ZNF462: variants seen among roughly 807,000 people sequenced by gnomAD.
ZNF462 encodes the protein zinc finger protein 462.
A neutral mutation model predicts 201.9 loss-of-function variants in ZNF462; 10 were observed. The observed-to-expected ratio is 0.05, with a 90% confidence interval of 0.03 to 0.08. The LOEUF (loss-of-function observed/expected upper bound fraction) is 0.08, where lower values mean the gene tolerates loss of function less well. Among genes scored for constraint, ZNF462 ranks in the 10% least tolerant of loss-of-function variants. The pLI is 1.00. For synonymous variants in ZNF462, 1,227 were observed against 1,193.3 expected (o/e 1.03, Z -0.58); for missense variants, 2,523 against 3,168.3 (o/e 0.80, Z 4.89).
At chr9:106,971,329 A>T (rs1826595320) in intron 7 of ZNF462, among the ~76,000 whole-genome samples, 1 of 151,656 alleles carries the variant, frequency 6.6e-6, no homozygotes, top group African/African-American at 2.4e-5. Flanking sequence ...AGGGAAGGGT[A>T]TTCTGTGGCA....
At chr9:106,961,981 C>T (rs992246641) in intron 7 of ZNF462, among the ~76,000 whole-genome samples, 5 of 151,922 alleles carry the variant, frequency 3.3e-5, no homozygotes, top group African/African-American at 9.7e-5. Context: ...TTAAGCACAG[C>T]ATGGAAACAG....
At position 106,963,155 on chromosome 9, in the gene ZNF462, C is replaced by T. The variant is rs964683519; in HGVS notation, c.6428-8850C>T. ...TGGTGATTTGTGGTTTTTATTGTTT[C>T]TCTGGATACCAAATTCTGCTCAGTG... On this transcript the variant is annotated intron_variant, in intron 7 of 12. Coordinates refer to ENST00000277225, the MANE Select transcript of ZNF462 (RefSeq NM_021224.6). The surrounding 1 kb of genome is among the most constrained non-coding windows in gnomAD (Gnocchi z 4.7). Among the ~76,000 whole-genome samples, 3 of 151,970 alleles carry T rather than the reference C, an allele frequency of 2.0e-5. No individual in the cohort carries two copies. The highest frequency in any genetic ancestry group is 4.4e-5 in the Non-Finnish European group (3 of 67,966).
intron 1 of ZNF462, among the ~76,000 whole-genome samples, chr9:106,904,815 C>T (rs559327750): frequency 1.3e-5 from 2 of 152,246 alleles, no homozygotes; most frequent in African/African-American, 4.8e-5. Flanking sequence ...TCTCTCCCTT[C>T]TCTTCTTGTA....
Position 106,927,628 on chromosome 9 carries a change from G to T in ZNF462, c.3716G>T (p.Arg1239Leu), listed in dbSNP as rs754428110. 1.2e-6 allele frequency: 2 copies of T among 1,613,840 alleles called. No individual in the cohort carries two copies. The highest frequency in any genetic ancestry group is 1.3e-5 in the African/African-American group (1 of 74,846). The change falls in exon 3 of 13, where the codon CGA becomes CTA. Residue 1239 changes from arginine to leucine, a missense_variant. Around this residue, in one of 15 missense-constraint regions of ZNF462, gnomAD observed 222 missense variants for 271.6 expected, o/e 0.82. Transcript: ENST00000277225. The part of the protein sequence containing the change: ...HTATIRSLCD[R>L]NQKKPASCVL... The stretch of plus-strand genomic sequence containing the variant: ...GCCACCATTCGAAGCCTCTGCGACC[G>T]AAATCAGAAGAAGCCTGCCAGCTGC...
chr9:106,861,660 G>A (rs963738303), upstream of ZNF462, among the ~76,000 whole-genome samples: 1 of 152,190 alleles, frequency 6.6e-6, no homozygotes, highest in Non-Finnish European at 1.5e-5. Context: ...TTGCTGCATT[G>A]ATTTTTTTGA....
At position 106,964,383 on chromosome 9, in the gene ZNF462, C is replaced by A. The variant is rs141224296; in HGVS notation, c.6428-7622C>A. 6.3e-3 allele frequency among the ~76,000 whole-genome samples: 957 copies of A among 152,066 alleles called. 10 individuals carry two copies. The highest frequency in any genetic ancestry group is 0.021 in the African/African-American group (859 of 41,488). ...TAACTAGGGAATCCTTTTCAAAATG[C>A]CTTAAGCATTTTAATTTCATTTAAA... On this transcript the variant is annotated intron_variant, in intron 7 of 12. Coordinates refer to ENST00000277225, the MANE Select transcript of ZNF462 (RefSeq NM_021224.6).
chr9:106,915,685 CAAG>C (rs1197197533), intron 1 of ZNF462, among the ~76,000 whole-genome samples: 1 of 152,102 alleles, frequency 6.6e-6, no homozygotes, highest in African/African-American at 2.4e-5. Context: ...AGGCAGAAGT[CAAG>C]AAGAGGAAAA....
rs748869233 is a variant in ZNF462, at chr9:106,922,250, C to A, written c.-30-1104C>A. Among the ~76,000 whole-genome samples the A allele has an allele frequency of 1.9e-4, 29 of 152,278 alleles. 1 individual carries two copies. Among genetic ancestry groups the A allele is most frequent in the South Asian group, 6.2e-4 (3 of 4,824 alleles). On this transcript the variant is annotated intron_variant, in intron 1 of 12. Coordinates refer to ENST00000277225, the MANE Select transcript of ZNF462 (RefSeq NM_021224.6). The stretch of plus-strand genomic sequence containing the variant: ...GTGATGATCTTACTGAAGTAACTTA[C>A]TCATTAGATAATAACAGGGTATCTC...
chr9:106,999,700 AATTC>A, intron 10 of ZNF462, among the ~76,000 whole-genome samples: 1 of 152,334 alleles, frequency 6.6e-6, no homozygotes, highest in Non-Finnish European at 1.5e-5. Flanking sequence ...GAAATACATT[AATTC>A]ATTAACAGTT....
Position 106,925,232 on chromosome 9 carries a change from G to T in ZNF462, c.1320G>T (p.Gln440His). The T allele has an allele frequency of 6.2e-7, 1 of 1,614,180 alleles. No homozygotes were observed. Among genetic ancestry groups the T allele is most frequent in the Non-Finnish European group, 8.5e-7 (1 of 1,180,044 alleles). ...IPFRRFMNRFQCPFCPFLTMH... is the reference protein window; with the variant it reads ...IPFRRFMNRFHCPFCPFLTMH... ...TTAGAAGATTCATGAATAGGTTCCAGTGCCCCTTTTGTCCTTTCCTCACCA... is the reference window on the plus strand; with the variant it reads ...TTAGAAGATTCATGAATAGGTTCCATTGCCCCTTTTGTCCTTTCCTCACCA... Residue 440 changes from glutamine (Q) to histidine (H), a missense_variant, in exon 3 of 13, where the codon CAG (glutamine) becomes CAT (histidine). By Grantham distance (24) the Gln-to-His change is conservative. Around this residue, in one of 15 missense-constraint regions of ZNF462, gnomAD observed 13 missense variants for 43.2 expected, o/e 0.30. Transcript: ENST00000277225. This position sits in a 1 kb window ranked among gnomAD's most constrained non-coding sequence, Gnocchi z 7.9.
At chr9:106,868,074 G>A (rs200784111) in intron 1 of ZNF462, among the ~76,000 whole-genome samples, 10 of 145,502 alleles carry the variant, frequency 6.9e-5, no homozygotes, top group African/African-American at 5.1e-5. Flanking sequence ...CCAGTGAACT[G>A]AAAAAAAAAA....
intron 6 of ZNF462, among the ~76,000 whole-genome samples, chr9:106,937,314 G>A (rs1422591507): frequency 6.6e-6 from 1 of 152,006 alleles, no homozygotes; most frequent in Non-Finnish European, 1.5e-5. Context: ...TACAGAACTT[G>A]GATGCTATAC....
In ZNF462 at chr9:106,930,433, T is replaced by C. The variant is rs1180104115; in HGVS notation, c.5848-92T>C. 1 of 1,517,150 alleles carries C rather than the reference T, an allele frequency of 6.6e-7. No homozygotes were observed. The highest frequency in any genetic ancestry group is 1.4e-5 in the African/African-American group (1 of 72,106). 94.0% of individuals were successfully genotyped at this position (1,517,150 alleles called of 1,614,324 possible). The stretch of plus-strand genomic sequence containing the variant: ...TTGGTTTTTAACCTGCTAATCGGCT[T>C]TAAAATAAAGTATGTTAGTAAACTG... On this transcript the variant is annotated intron_variant, in intron 3 of 12. Transcript: ENST00000277225. This position sits in a 1 kb window ranked among gnomAD's most constrained non-coding sequence, Gnocchi z 5.8.
rs191241523 is a variant in ZNF462 at position 106,883,771 on chromosome 9, C to G, written c.-31+20416C>G. Among the ~76,000 whole-genome samples the G allele has an allele frequency of 6.6e-6, 1 of 152,150 alleles. No individual in the cohort carries two copies. The highest frequency in any genetic ancestry group is 6.5e-5 in the Admixed American group (1 of 15,274). On this transcript the variant is annotated intron_variant, in intron 1 of 12. Transcript: ENST00000277225. The surrounding 1 kb of genome is among the most constrained non-coding windows in gnomAD (Gnocchi z 4.9). ...GCTTATTTATCCTTCTACCTGGAAT[C>G]AGCAGCCCTGGCTTGTTCATTTAGA... is the stretch of plus-strand genomic sequence containing the variant.
Position 106,928,205 on chromosome 9 carries a change from C to T in ZNF462, c.4293C>T (p.Asn1431=). 1.9e-6 allele frequency: 3 copies of T among 1,614,070 alleles called. No homozygotes were observed. The change falls in exon 3 of 13, where the codon AAC becomes AAT. Residue 1431 remains asparagine, a synonymous_variant. Coordinates refer to ENST00000277225, the MANE Select transcript of ZNF462 (RefSeq NM_021224.6). This position sits in a 1 kb window ranked among gnomAD's most constrained non-coding sequence, Gnocchi z 9.3. ...TGGCAGGCCCTGTGAATTGTGAAAA[C>T]AGTATACCCACCCCTTTCCCGGAGC... The part of the protein sequence containing the change: ...EELAGPVNCE[N]SIPTPFPEQE...
rs1489488350 is a variant in ZNF462, at chr9:106,870,029, T to G, written c.-31+6674T>G. On this transcript the variant is annotated intron_variant, in intron 1 of 12. Coordinates refer to ENST00000277225, the MANE Select transcript of ZNF462 (RefSeq NM_021224.6). The surrounding 1 kb of genome is among the most constrained non-coding windows in gnomAD (Gnocchi z 4.3). Reference sequence around the variant, plus strand: ...GTGCTTGGAAATGCTATCATAAAATTTATCTTTTTTCTAAGTCCTCCTATT... The same window carrying G: ...GTGCTTGGAAATGCTATCATAAAATGTATCTTTTTTCTAAGTCCTCCTATT... Among the ~76,000 whole-genome samples, 1 of 152,180 alleles carries G rather than the reference T, an allele frequency of 6.6e-6. No homozygotes were observed. Among genetic ancestry groups the G allele is most frequent in the Non-Finnish European group, 1.5e-5 (1 of 68,022 alleles).
rs1468592886 is a variant in ZNF462, at chr9:106,876,501, C to A, written c.-31+13146C>A. Among the ~76,000 whole-genome samples the A allele has an allele frequency of 6.6e-6, 1 of 152,182 alleles. No individual in the cohort carries two copies. Among genetic ancestry groups the A allele is most frequent in the Non-Finnish European group, 1.5e-5 (1 of 68,026 alleles). Reference sequence around the variant, plus strand: ...CTTTACTGATGAGTAGTCTTTGCTGCAGTTGTCCATTCCCAGCTAGACTTT... The same window carrying A: ...CTTTACTGATGAGTAGTCTTTGCTGAAGTTGTCCATTCCCAGCTAGACTTT... On this transcript the variant is annotated intron_variant, in intron 1 of 12. Coordinates refer to ENST00000277225, the MANE Select transcript of ZNF462 (RefSeq NM_021224.6). The surrounding 1 kb of genome is among the most constrained non-coding windows in gnomAD (Gnocchi z 4.9).
intron 7 of ZNF462, among the ~76,000 whole-genome samples, chr9:106,951,758 T>C (rs1049290352): frequency 6.6e-6 from 1 of 151,988 alleles, no homozygotes; most frequent in African/African-American, 2.4e-5. Flanking sequence ...CCCCAGGCCT[T>C]CTTGCTTGCC....
At chr9:106,887,296 G>A (rs1052993006) in intron 1 of ZNF462, among the ~76,000 whole-genome samples, 2 of 152,146 alleles carry the variant, frequency 1.3e-5, no homozygotes, top group African/African-American at 2.4e-5. Flanking sequence ...CTAACATGTT[G>A]TTCTTACATG....
Sources: allele counts gnomAD v4.1 joint callset (sites outside exome capture counted in the v4.1 genomes callset), GRCh38; gene constraint gnomAD v4.1.1; regional missense constraint gnomAD v4.1.1; non-coding constraint Gnocchi (gnomAD v3.1); transcripts MANE v1.5; gene names NCBI Gene and HGNC (gene_info 2026-07-23, HGNC 2026-07-21).